The following USP10 variants were observed in gnomAD, a reference collection of about 807,000 sequenced individuals.
USP10 encodes ubiquitin carboxyl-terminal hydrolase 10.
A neutral mutation model predicts 84.5 loss-of-function variants in USP10; 22 were observed. That is an observed-to-expected ratio of 0.26 (90% CI 0.19 to 0.37). USP10 has a LOEUF of 0.37. Ranked by LOEUF, USP10 falls within the 10% of genes least tolerant of loss-of-function variation. USP10 has a pLI of 1.00. For synonymous variants in USP10, 454 were observed against 387.6 expected, an observed-to-expected ratio of 1.17 and a Z score of -2.01; for missense variants, 1,019 against 998.9, an observed-to-expected ratio of 1.02 and a Z score of -0.27.
intron 1 of USP10, among the ~76,000 whole-genome samples, chr16:84,703,013 A>AG (rs1555533316): frequency 2.0e-5 from 3 of 148,836 alleles, no homozygotes; most frequent in Admixed American, 6.7e-5. Flanking sequence ...AAAAAAAAAA[A>AG]GAGCGAAACT....
intron 4 of USP10, among the ~76,000 whole-genome samples, chr16:84,757,232 A>G (rs1912650110): frequency 6.6e-6 from 1 of 152,172 alleles, no homozygotes; most frequent in South Asian, 2.1e-4. Flanking sequence ...GGTATTCCAT[A>G]TTAAGAGAGA....
rs554736758 is a variant in USP10, at chr16:84,714,837, A to AT, written c.21+14733dup. Among the ~76,000 whole-genome samples, 294 of 151,732 alleles carry AT rather than the reference A, an allele frequency of 1.9e-3. 2 individuals carry two copies. The highest frequency in any genetic ancestry group is 6.5e-3 in the African/African-American group (269 of 41,462). On this transcript the variant is annotated intron_variant, in intron 1 of 13. Coordinates refer to ENST00000219473, the MANE Select transcript of USP10 (RefSeq NM_005153.3). The stretch of plus-strand genomic sequence containing the variant: ...TACTTAGTGGATATTTAAAACATGA[A>AT]TTTTTTTAAATTTTAAAAGTAATAT...
At chr16:84,704,050 G>C (rs1301554311) in intron 1 of USP10, among the ~76,000 whole-genome samples, 2 of 152,244 alleles carry the variant, frequency 1.3e-5, no homozygotes, top group African/African-American at 4.8e-5. Flanking sequence ...TTAATGCCAA[G>C]CCTAAGCGGC....
chr16:84,732,181 T>C (rs181241585), intron 1 of USP10, among the ~76,000 whole-genome samples: 99 of 152,344 alleles, frequency 6.5e-4, no homozygotes, highest in Non-Finnish European at 1.1e-3. Context: ...TATTCACATT[T>C]ACAATAATAA....
chr16:84,717,560 G>A (rs1907207111), intron 1 of USP10, among the ~76,000 whole-genome samples: 1 of 152,150 alleles, frequency 6.6e-6, no homozygotes, highest in African/African-American at 2.4e-5. Context: ...TTTGGTGACT[G>A]TGAGCCATTC....
chr16:84,710,318 T>C (rs1213014561), intron 1 of USP10, among the ~76,000 whole-genome samples: 1 of 149,198 alleles, frequency 6.7e-6, no homozygotes, highest in Admixed American at 6.7e-5. Flanking sequence ...TGTGCAGGGG[T>C]CTTACTTAGA....
chr16:84,775,216 C>A lies in USP10; in HGVS notation c.2200C>A (p.Leu734Ile). Residue 734 changes from leucine (L) to isoleucine (I), a missense_variant, in exon 13 of 14, where the codon CTC (leucine) becomes ATC (isoleucine). Physicochemically the swap from Leu to Ile is conservative, Grantham distance 5 (BLOSUM62 2). Transcript: ENST00000219473. ...TTTTAAATGCCACCGAACCTATCGG[C>A]TCTTTGCAGGTGAGTAAATTTGTAC... ...KNFKCHRTYR[L>I]FAVVYHHGNS... The A allele has an allele frequency of 1.2e-6, 2 of 1,613,696 alleles. No homozygotes were observed. The highest frequency in any genetic ancestry group is 1.7e-6 in the Non-Finnish European group (2 of 1,179,608).
Position 84,745,353 on chromosome 16 carries a change from A to G in USP10, c.872A>G (p.Glu291Gly). Reference protein sequence around the residue: ...NLGVANGQILESSGEGTATNG... With the variant: ...NLGVANGQILGSSGEGTATNG... ...GGAGTTGCTAATGGACAAATACTTGAATCCTCGGGTGAGGGCACAGCTACC... is the reference window on the plus strand; with the variant it reads ...GGAGTTGCTAATGGACAAATACTTGGATCCTCGGGTGAGGGCACAGCTACC... The change falls in exon 4 of 14, where the codon GAA (glutamate) becomes GGA (glycine). Residue 291 changes from glutamate to glycine, a missense_variant. By Grantham distance (98) the Glu-to-Gly change is moderately conservative. Around this residue, in one of 2 missense-constraint regions of USP10, gnomAD observed 787 missense variants for 708.8 expected, o/e 1.11. Transcript: ENST00000219473. 6.2e-7 allele frequency: 1 copy of G among 1,613,186 alleles called. No homozygotes were observed. The highest frequency in any genetic ancestry group is 8.5e-7 in the Non-Finnish European group (1 of 1,179,728).
chr16:84,745,704 A>G (rs1911150601), intron 4 of USP10, 31 bp downstream of exon 4: 2 of 1,573,408 alleles, frequency 1.3e-6, no homozygotes, highest in Non-Finnish European at 1.7e-6. Context: ...ATCTAGAGTG[A>G]AGATGGGAGC....
At chr16:84,715,259 T>A (rs896926910) in intron 1 of USP10, among the ~76,000 whole-genome samples, 2 of 152,168 alleles carry the variant, frequency 1.3e-5, no homozygotes, top group East Asian at 1.9e-4. Flanking sequence ...AGCTGACTTA[T>A]GTTTGGTGAA....
chr16:84,762,280 A>G (rs1597385527), intron 8 of USP10, among the ~76,000 whole-genome samples: 1 of 152,238 alleles, frequency 6.6e-6, no homozygotes, highest in African/African-American at 2.4e-5. Flanking sequence ...TGCTTAGCTC[A>G]TTGCTCGAGT....
At chr16:84,727,891 CA>C (rs1423383413) in intron 1 of USP10, among the ~76,000 whole-genome samples, 1 of 152,158 alleles carries the variant, frequency 6.6e-6, no homozygotes, top group East Asian at 1.9e-4. Flanking sequence ...CTAACCTGTC[CA>C]TATTCTAATT....
At chr16:84,754,029 A>G (rs889608975) in intron 4 of USP10, among the ~76,000 whole-genome samples, 1 of 152,172 alleles carries the variant, frequency 6.6e-6, no homozygotes, top group East Asian at 1.9e-4. Context: ...AAAGGCCACC[A>G]AGTCCTGTTA....
chr16:84,772,044 TTTC>T (rs376892765), intron 11 of USP10, among the ~76,000 whole-genome samples: 10 of 152,170 alleles, frequency 6.6e-5, no homozygotes, highest in East Asian at 1.9e-4. Context: ...CGTATGCATT[TTTC>T]TTCTTCTTTT....
intron 1 of USP10, among the ~76,000 whole-genome samples, chr16:84,728,541 G>C (rs181972120): frequency 2.6e-4 from 39 of 152,064 alleles, no homozygotes; most frequent in Non-Finnish European, 5.4e-4. Flanking sequence ...GGTTTAGCCA[G>C]GATGGTCTCA....
chr16:84,745,293 A>C lies in USP10; in HGVS notation c.812A>C (p.Gln271Pro). The C allele has an allele frequency of 6.2e-7, 1 of 1,613,304 alleles. No homozygotes were observed. The highest frequency in any genetic ancestry group is 8.5e-7 in the Non-Finnish European group (1 of 1,179,728). Reference protein sequence around the residue: ...RDTLSRTAGAQPCVGTDTTEN... With the variant: ...RDTLSRTAGAPPCVGTDTTEN... Reference sequence around the variant, plus strand: ...ACCCTGTCAAGGACAGCTGGGGCTCAGCCCTGCGTTGGTACCGATACTACT... The same window carrying C: ...ACCCTGTCAAGGACAGCTGGGGCTCCGCCCTGCGTTGGTACCGATACTACT... The change falls in exon 4 of 14, where the codon CAG (glutamine) becomes CCG (proline). Residue 271 changes from glutamine (Q) to proline (P), a missense_variant. This residue lies in a region of USP10 where 787 missense variants were observed against 708.8 expected (regional missense o/e 1.11). Coordinates refer to ENST00000219473, the MANE Select transcript of USP10 (RefSeq NM_005153.3).
Position 84,768,370 on chromosome 16 carries a change from C to G in USP10, c.1998+12C>G, listed in dbSNP as rs1448424511. On this transcript the variant is annotated intron_variant, in intron 11 of 13. Transcript: ENST00000219473. ...AAACCAAACAAGAGGTATGTTCACA[C>G]TTGATTTTGAACCTTTCTACTAAGG... 8 of 1,566,760 alleles carry G rather than the reference C, an allele frequency of 5.1e-6. No individual in the cohort carries two copies. The East Asian group carries it at 1.8e-4, about 35-fold the overall frequency.
intron 1 of USP10, among the ~76,000 whole-genome samples, chr16:84,711,591 G>T (rs935070796): frequency 1.6e-4 from 24 of 152,222 alleles, no homozygotes; most frequent in African/African-American, 5.3e-4. Context: ...AAATAATTAC[G>T]CTTGGTTCTC....
intron 4 of USP10, among the ~76,000 whole-genome samples, chr16:84,749,868 G>T (rs1597363273): frequency 2.0e-5 from 3 of 152,262 alleles, no homozygotes; most frequent in South Asian, 2.1e-4. Context: ...CATCTCCTCG[G>T]TGTAGGTTAT....
Sources: gnomAD v4.1 joint callset for allele counts (sites outside exome capture counted in the v4.1 genomes callset) on GRCh38, gnomAD v4.1.1 for gene constraint, gnomAD v4.1.1 regional missense constraint, MANE v1.5 for transcripts, NCBI Gene and HGNC (gene_info 2026-07-23, HGNC 2026-07-21) for gene names.